ATP7B: variants seen among roughly 807,000 people sequenced by gnomAD.
ATP7B encodes the protein copper-transporting ATPase 2.
A neutral mutation model predicts 118.9 loss-of-function variants in ATP7B; 113 were observed. The ratio of observed to expected loss-of-function variants is 0.95; its 90% confidence interval spans 0.82 to 1.11. ATP7B has a LOEUF of 1.11. ATP7B is among the 50% of genes most tolerant of loss of function. The pLI is 0.00. For synonymous variants in ATP7B, 777 were observed against 727.4 expected (o/e 1.07, Z -1.10); for missense variants, 1,867 against 1,871.4 (o/e 1.00, Z 0.04).
chr13:51,959,531 C>T (rs1050630445), intron 7 of ATP7B: 9 of 149,986 alleles, frequency 6.0e-5, no homozygotes, highest in Middle Eastern at 3.4e-3. Context: ...AAAAAAAAAT[C>T]CAGCCTACCA....
At chr13:52,010,053 T>C (rs1169090304) in intron 1 of ATP7B, among the ~76,000 whole-genome samples, 1 of 151,966 alleles carries the variant, frequency 6.6e-6, no homozygotes, top group East Asian at 1.9e-4. Flanking sequence ...TTCAAGGAGG[T>C]GGCAGGTCTT....
Position 51,934,811 on chromosome 13 carries a change from T to A in ATP7B, c.4343A>T (p.Asp1448Val), listed in dbSNP as rs1264643996. 6.2e-7 allele frequency: 1 copy of A among 1,614,180 alleles called. No homozygotes were observed. The highest frequency in any genetic ancestry group is 8.5e-7 in the Non-Finnish European group (1 of 1,180,040). Reference sequence around the variant, plus strand: ...CAGGAGCAGAGACCACTTGTCCCCATCATCGTCTGCTGCAGCGCTGTGCCG... The same window carrying A: ...CAGGAGCAGAGACCACTTGTCCCCAACATCGTCTGCTGCAGCGCTGTGCCG... ...PSRHSAAADD[D>V]GDKWSLLLNG... Residue 1448 changes from aspartate to valine, a missense_variant, in exon 21 of 21, where the codon GAT (aspartate) becomes GTT (valine). By Grantham distance (152) the Asp-to-Val change is radical (BLOSUM62 -3). Coordinates refer to ENST00000242839, the MANE Select transcript of ATP7B (RefSeq NM_000053.4).
chr13:51,934,678 C>G lies in ATP7B; in HGVS notation c.*78G>C. The G allele has an allele frequency of 1.3e-6, 2 of 1,595,500 alleles. No individual in the cohort carries two copies. Among genetic ancestry groups the G allele is most frequent in the Non-Finnish European group, 1.7e-6 (2 of 1,172,824 alleles). ...CCCAAAGCTGGAGGCTAGCTCAGCC[C>G]ATCCTGCTGCTGGCTGTCCTGCTCA... On this transcript the variant is annotated 3_prime_UTR_variant, in exon 21 of 21. Coordinates refer to ENST00000242839, the MANE Select transcript of ATP7B (RefSeq NM_000053.4).
At chr13:51,989,401 G>C (rs1298036299) in intron 1 of ATP7B, among the ~76,000 whole-genome samples, 1 of 152,092 alleles carries the variant, frequency 6.6e-6, no homozygotes, top group African/African-American at 2.4e-5. Flanking sequence ...CCCTTCTGAG[G>C]ACAGACTGTA....
rs1956833581 is a variant in ATP7B, at chr13:51,934,173, C to T, written c.*583G>A. 5.5e-6 allele frequency: 1 copy of T among 182,378 alleles called. No individual in the cohort carries two copies. Among genetic ancestry groups the T allele is most frequent in the African/African-American group, 2.3e-5 (1 of 42,708 alleles). 11.3% of individuals were successfully genotyped at this position (182,378 alleles called of 1,614,324 possible). A position where few individuals can be genotyped will look rare whatever the true frequency, so the allele number is the denominator to read the frequency against. ...ACCACAAGGACATTGGTCCCACCCT[C>T]CCAGGTGACAGGCAGGGTTGCGAGG... On this transcript the variant is annotated 3_prime_UTR_variant, in exon 21 of 21. Coordinates refer to ENST00000242839, the MANE Select transcript of ATP7B (RefSeq NM_000053.4).
Position 51,934,838 on chromosome 13 carries a change from G to C in ATP7B, c.4316C>G (p.Ser1439Cys), listed in dbSNP as rs780338961. The change falls in exon 21 of 21, where the codon TCT becomes TGT. Residue 1439 changes from serine to cysteine, a missense_variant. Ser to Cys is a moderately radical substitution (Grantham distance 112). Transcript: ENST00000242839. ...SLSSLTSDKPSRHSAAADDDG... is the reference protein window; with the variant it reads ...SLSSLTSDKPCRHSAAADDDG... ...ATCGTCTGCTGCAGCGCTGTGCCGA[G>C]ATGGCTTGTCGGACGTCAGGGAGGA... 1.9e-6 allele frequency: 3 copies of C among 1,614,124 alleles called. No homozygotes were observed. The highest frequency in any genetic ancestry group is 2.5e-6 in the Non-Finnish European group (3 of 1,180,064).
chr13:51,940,140 G>A (rs1053708078), intron 16 of ATP7B, among the ~76,000 whole-genome samples: 3 of 148,486 alleles, frequency 2.0e-5, no homozygotes, highest in Non-Finnish European at 4.5e-5. Flanking sequence ...AGCCTCCCAA[G>A]TAGCTGGGAT....
At chr13:51,991,455 A>C (rs894384281) in intron 1 of ATP7B, among the ~76,000 whole-genome samples, 6 of 151,982 alleles carry the variant, frequency 3.9e-5, no homozygotes, top group African/African-American at 1.5e-4. Context: ...GATCTGCGGC[A>C]ACTGCACTCC....
Position 51,983,840 on chromosome 13 carries a change from TAACA to T in ATP7B, c.52-8676_52-8673del, listed in dbSNP as rs1257921448. Among the ~76,000 whole-genome samples the T allele has an allele frequency of 2.6e-5, 4 of 151,974 alleles. No homozygotes were observed. In the East Asian group the frequency reaches 7.8e-4, roughly 29 times the overall value. On this transcript the variant is annotated intron_variant, in intron 1 of 20. Transcript: ENST00000242839. ...GGGACCTGACTGTTAGAAGGAAAAC[TAACA>T]AACAGAAAGGTATAGCATCAATATC...
chr13:51,977,670 A>G (rs1252787692), intron 1 of ATP7B, among the ~76,000 whole-genome samples: 1 of 152,260 alleles, frequency 6.6e-6, no homozygotes, highest in African/African-American at 2.4e-5. Context: ...GTCATTTATT[A>G]TCGAGTATTA....
At chr13:51,955,567 C>T (rs1171006381) in intron 9 of ATP7B, among the ~76,000 whole-genome samples, 1 of 152,194 alleles carries the variant, frequency 6.6e-6, no homozygotes, top group East Asian at 1.9e-4. Context: ...CCCGTGGGCA[C>T]TTCGGCCGGC....
chr13:51,999,742 G>A (rs930735369), intron 1 of ATP7B, among the ~76,000 whole-genome samples: 2 of 152,094 alleles, frequency 1.3e-5, no homozygotes, highest in Non-Finnish European at 2.9e-5. Flanking sequence ...GCACATCCAG[G>A]CTGGCTGCCC....
chr13:51,948,791 T>C (rs554946483), intron 12 of ATP7B, among the ~76,000 whole-genome samples: 153 of 152,324 alleles, frequency 1.0e-3, no homozygotes, highest in Middle Eastern at 6.8e-3. Flanking sequence ...AAACCATATT[T>C]CCTAAGATAG....
rs558774417 is a variant in ATP7B, at chr13:52,008,131, A to G, written c.51+3156T>C. 7.2e-5 allele frequency among the ~76,000 whole-genome samples: 11 copies of G among 152,094 alleles called. No individual in the cohort carries two copies. The East Asian group carries it at 1.7e-3, about 24-fold the overall frequency. On this transcript the variant is annotated intron_variant, in intron 1 of 20. Coordinates refer to ENST00000242839, the MANE Select transcript of ATP7B (RefSeq NM_000053.4). ...CCGAGGTGGGCGGATCACGAGATCA[A>G]GAGATAGAGATGACCCTGACCAACA...
At chr13:51,991,697 G>A (rs1054260857) in intron 1 of ATP7B, among the ~76,000 whole-genome samples, 3 of 152,136 alleles carry the variant, frequency 2.0e-5, no homozygotes, top group Non-Finnish European at 4.4e-5. Flanking sequence ...AGAGAAGGGA[G>A]AGCCTCAGTG....
In ATP7B at chr13:51,932,859, A is replaced by C. The variant is rs898093143; in HGVS notation, c.*1897T>G. ...GGTCCTAAAAGTTTTAAAAATCAAC[A>C]GAATTAGATTCTTTAGATAATGATC... On this transcript the variant is annotated 3_prime_UTR_variant, in exon 21 of 21. Coordinates refer to ENST00000242839, the MANE Select transcript of ATP7B (RefSeq NM_000053.4). 1.3e-5 allele frequency: 2 copies of C among 152,234 alleles called. No individual in the cohort carries two copies. Among genetic ancestry groups the C allele is most frequent in the Non-Finnish European group, 2.9e-5 (2 of 68,036 alleles). The allele number at this position is 152,234 out of a possible 1,614,324, so 9.4% of individuals were successfully genotyped here.
At chr13:51,949,595 G>T in intron 12 of ATP7B, 67 bp downstream of exon 12, 1 of 1,584,932 alleles carries the variant, frequency 6.3e-7, no homozygotes, top group South Asian at 1.1e-5. Context: ...AGATATGAAA[G>T]AACAGGATCA....
Position 51,941,067 on chromosome 13 carries a change from G to A in ATP7B, c.3556+14C>T. ...TTTCTGAGAGAGCGGAAGGAAGGCA[G>A]AAGCAGAAGATACCGTCAATAGCCA... On this transcript the variant is annotated intron_variant, in intron 16 of 20. Coordinates refer to ENST00000242839, the MANE Select transcript of ATP7B (RefSeq NM_000053.4). 1 of 1,614,212 alleles carries A rather than the reference G, an allele frequency of 6.2e-7. No homozygotes were observed. The highest frequency in any genetic ancestry group is 1.1e-5 in the South Asian group (1 of 91,078).
Position 51,974,665 on chromosome 13 carries a change from G to A in ATP7B, c.555C>T (p.Ile185=). ...GCTGAATGAGATAAGGCTGATAAGT[G>A]ATGACGGCCTCTTGGTTGCTGAGTG... The part of the protein sequence containing the change: ...KVSLSNQEAV[I]TYQPYLIQPE... The change falls in exon 2 of 21, where the codon ATC becomes ATT. Residue 185 remains isoleucine, a synonymous_variant. Transcript: ENST00000242839. 6.2e-7 allele frequency: 1 copy of A among 1,611,174 alleles called. No homozygotes were observed. The highest frequency in any genetic ancestry group is 1.3e-5 in the African/African-American group (1 of 74,932).
Sources: allele counts gnomAD v4.1 joint callset (sites outside exome capture counted in the v4.1 genomes callset), GRCh38; gene constraint gnomAD v4.1.1; transcripts MANE v1.5; gene names NCBI Gene and HGNC (gene_info 2026-07-23, HGNC 2026-07-21).